The following CSMD3 variants were observed in gnomAD, a reference collection of about 807,000 sequenced individuals.
CSMD3 encodes CUB and Sushi multiple domains 3.
A neutral mutation model predicts 435.2 loss-of-function variants in CSMD3; 177 were observed. The observed-to-expected ratio is 0.41, with a 90% CI of 0.36 to 0.46. The LOEUF (loss-of-function observed/expected upper bound fraction) is 0.46, where lower values mean the gene tolerates loss of function less well. Ranked by LOEUF, CSMD3 falls within the 20% of genes least tolerant of loss-of-function variation. The probability of loss-of-function intolerance (pLI) is 0.34; values close to 1 mark genes in which losing one functional copy is unlikely to be tolerated. For synonymous variants in CSMD3, 1,656 were observed against 1,520.5 expected (o/e 1.09, Z -2.07); for missense variants, 4,265 against 4,504.6 (o/e 0.95, Z 1.52).
At chr8:113,393,256 T>C (rs955532359) in intron 1 of CSMD3, among the ~76,000 whole-genome samples, 1 of 152,020 alleles carries the variant, frequency 6.6e-6, no homozygotes, top group African/African-American at 2.4e-5. Context: ...GCAACCAACA[T>C]TTTGAAAGCT....
At chr8:112,998,846 C>T (rs1197220381) in intron 6 of CSMD3, among the ~76,000 whole-genome samples, 1 of 151,878 alleles carries the variant, frequency 6.6e-6, no homozygotes, top group East Asian at 1.9e-4. Context: ...AGCACCTCCC[C>T]ACTCTCTTTT....
chr8:112,662,164 A>T (rs1318001499), intron 17 of CSMD3, among the ~76,000 whole-genome samples: 1 of 152,138 alleles, frequency 6.6e-6, no homozygotes, highest in Admixed American at 6.6e-5. Context: ...AGAATTGGAA[A>T]AAAACTACTT....
intron 38 of CSMD3, among the ~76,000 whole-genome samples, chr8:112,360,713 G>C (rs1407969185): frequency 6.6e-6 from 1 of 151,802 alleles, no homozygotes; most frequent in Non-Finnish European, 1.5e-5. Context: ...AGAAAATTTA[G>C]AAGTACAGGA....
intron 1 of CSMD3, among the ~76,000 whole-genome samples, chr8:113,436,366 GAA>G (rs1285161321): frequency 1.3e-5 from 2 of 152,156 alleles, no homozygotes; most frequent in African/African-American, 4.8e-5. Flanking sequence ...TCACCACTAA[GAA>G]AAGTCTTGCA....
chr8:112,542,829 A>T (rs2131147237), intron 27 of CSMD3, among the ~76,000 whole-genome samples: 1 of 152,268 alleles, frequency 6.6e-6, no homozygotes, highest in African/African-American at 2.4e-5. Context: ...TTACCAAAGT[A>T]CAATAATCAA....
chr8:112,455,944 T>C (rs1391714283), intron 32 of CSMD3, among the ~76,000 whole-genome samples: 1 of 152,068 alleles, frequency 6.6e-6, no homozygotes, highest in East Asian at 1.9e-4. Flanking sequence ...GTTCAGCTGA[T>C]TAAAAAATTA....
chr8:113,319,557 G>A (rs1046713165), intron 1 of CSMD3, among the ~76,000 whole-genome samples: 7 of 151,786 alleles, frequency 4.6e-5, no homozygotes, highest in African/African-American at 1.7e-4. Flanking sequence ...AAGGTTTTTA[G>A]TTTAATGCTG....
chr8:113,096,964 T>C (rs887841756), intron 5 of CSMD3, among the ~76,000 whole-genome samples: 5 of 152,026 alleles, frequency 3.3e-5, no homozygotes, highest in Admixed American at 3.3e-4. Context: ...CTAGACAGAG[T>C]GTAGGGGTAC....
chr8:113,403,602 T>G (rs1160754527), intron 1 of CSMD3, among the ~76,000 whole-genome samples: 1 of 151,546 alleles, frequency 6.6e-6, no homozygotes, highest in Non-Finnish European at 1.5e-5. Flanking sequence ...TCTGTGATTA[T>G]GAAATTCTAA....
At chr8:112,583,536 T>G (rs1035636309) in intron 23 of CSMD3, among the ~76,000 whole-genome samples, 4 of 151,986 alleles carry the variant, frequency 2.6e-5, no homozygotes, top group African/African-American at 9.7e-5. Context: ...CAGTGTCAAG[T>G]GAAATCCAAA....
At chr8:112,452,911 A>G (rs751911455) in intron 32 of CSMD3, among the ~76,000 whole-genome samples, 3 of 152,168 alleles carry the variant, frequency 2.0e-5, no homozygotes, top group Non-Finnish European at 2.9e-5. Context: ...AAACAAATCA[A>G]CTACAGTTAA....
Position 113,062,377 on chromosome 8 carries a change from A to G in CSMD3, c.917+36379T>C, listed in dbSNP as rs191059719. On this transcript the variant is annotated intron_variant, in intron 5 of 70. Transcript: ENST00000297405. The stretch of plus-strand genomic sequence containing the variant: ...TATGTGGTAGTCTGCTAAACAAAAT[A>G]GCTTATTGCACTATAGAAACAGTTC... Among the ~76,000 whole-genome samples, 6 of 152,078 alleles carry G rather than the reference A, an allele frequency of 3.9e-5. No individual in the cohort carries two copies. In the East Asian group the frequency reaches 1.2e-3, roughly 29 times the overall value.
chr8:112,815,749 G>A (rs2079357518), intron 12 of CSMD3, among the ~76,000 whole-genome samples: 1 of 151,786 alleles, frequency 6.6e-6, no homozygotes, highest in Admixed American at 6.6e-5. Context: ...CCTTTTTTCA[G>A]GGAAATCATC....
intron 16 of CSMD3, among the ~76,000 whole-genome samples, chr8:112,669,454 C>T (rs1328483378): frequency 6.6e-6 from 1 of 152,064 alleles, no homozygotes; most frequent in Non-Finnish European, 1.5e-5. Context: ...CCATATATTG[C>T]CTATGTAGTT....
chr8:112,828,738 C>T (rs1168352623), intron 12 of CSMD3, among the ~76,000 whole-genome samples: 4 of 152,116 alleles, frequency 2.6e-5, no homozygotes, highest in Non-Finnish European at 5.9e-5. Flanking sequence ...AAACACAAAA[C>T]AGAACTGTAG....
intron 4 of CSMD3, among the ~76,000 whole-genome samples, chr8:113,123,132 G>T (rs2091032891): frequency 6.6e-6 from 1 of 152,002 alleles, no homozygotes; most frequent in Non-Finnish European, 1.5e-5. Context: ...TAATTCCAAG[G>T]TATGGTTAGT....
intron 50 of CSMD3, among the ~76,000 whole-genome samples, chr8:112,309,828 T>C (rs1157917602): frequency 6.6e-6 from 1 of 152,200 alleles, no homozygotes; most frequent in African/African-American, 2.4e-5. Context: ...TTCAAGTGCC[T>C]GGTAATACCT....
chr8:112,484,810 A>T (rs1357586392), intron 31 of CSMD3, among the ~76,000 whole-genome samples: 2 of 152,094 alleles, frequency 1.3e-5, no homozygotes, highest in Non-Finnish European at 2.9e-5. Context: ...TGCTCATTGG[A>T]GCATTTTGGA....
rs149061372 is a variant in CSMD3, at chr8:112,523,910, A to C, written c.4565-6685T>G. Among the ~76,000 whole-genome samples, 545 of 152,228 alleles carry C rather than the reference A, an allele frequency of 3.6e-3. 1 individual carries two copies. Among genetic ancestry groups the C allele is most frequent in the African/African-American group, 0.013 (522 of 41,562 alleles). ...GATGGCAGCATGACAGACACATTCT[A>C]AACAACCTAGGAAAGAAACAAAGCT... On this transcript the variant is annotated intron_variant, in intron 27 of 70. Transcript: ENST00000297405.
Sources: gnomAD v4.1 joint callset for allele counts (sites outside exome capture counted in the v4.1 genomes callset) on GRCh38, gnomAD v4.1.1 for gene constraint, MANE v1.5 for transcripts, NCBI Gene and HGNC (gene_info 2026-07-23, HGNC 2026-07-21) for gene names.